The following ELOVL6 variants were observed in gnomAD, a reference collection of about 807,000 sequenced individuals.
ELOVL6 encodes the protein very long chain fatty acid elongase 6.
A neutral mutation model predicts 31.7 loss-of-function variants in ELOVL6; 8 were observed. The ratio of observed to expected loss-of-function variants is 0.25; its 90% confidence interval spans 0.15 to 0.45. ELOVL6 has a LOEUF of 0.45. ELOVL6 is among the 20% of genes least tolerant of loss of function. The pLI, the probability that ELOVL6 is intolerant of heterozygous loss-of-function variation, is 1.00. For missense variants in ELOVL6, 126 were observed against 326.4 expected, an observed-to-expected ratio of 0.39 and a Z score of 4.73; for synonymous variants, 101 against 117.7, an observed-to-expected ratio of 0.86 and a Z score of 0.92.
chr4:110,173,213 G>T (rs1043446189), intron 1 of ELOVL6, among the ~76,000 whole-genome samples: 5 of 152,172 alleles, frequency 3.3e-5, no homozygotes, highest in African/African-American at 1.2e-4. Context: ...AGAACAAACA[G>T]AGAGAAATAT....
At chr4:110,083,902 T>C (rs1755967966) in intron 2 of ELOVL6, among the ~76,000 whole-genome samples, 1 of 108,746 alleles carries the variant, frequency 9.2e-6, no homozygotes, top group East Asian at 3.4e-4. Context: ...ATAATATATA[T>C]ATACACATAG....
At chr4:110,151,280 C>A (rs1289190833) in intron 1 of ELOVL6, among the ~76,000 whole-genome samples, 1 of 150,804 alleles carries the variant, frequency 6.6e-6, no homozygotes, top group Non-Finnish European at 1.5e-5. Flanking sequence ...AGGGATGAGA[C>A]CCAAGTCTAA....
At chr4:110,093,101 C>T (rs1362738889) in intron 2 of ELOVL6, 2 of 451,498 alleles carry the variant, frequency 4.4e-6, no homozygotes, top group South Asian at 3.2e-5. Context: ...TTTAAAGAAT[C>T]TTACATGTCA....
At chr4:110,136,757 G>A (rs553792632) in intron 1 of ELOVL6, among the ~76,000 whole-genome samples, 1 of 152,288 alleles carries the variant, frequency 6.6e-6, no homozygotes, top group African/African-American at 2.4e-5. Flanking sequence ...TAAAGCTGCT[G>A]TTTCAGGCAA....
Position 110,051,113 on chromosome 4 carries a change from A to C in ELOVL6, c.*225T>G, listed in dbSNP as rs1480796533. ...TAAAGAGGGAATGGGGTCTTCCAGCAGCAGTGCTTGGAGATGGAGGTGCAC... is the reference window on the plus strand; with the variant it reads ...TAAAGAGGGAATGGGGTCTTCCAGCCGCAGTGCTTGGAGATGGAGGTGCAC... On this transcript the variant is annotated 3_prime_UTR_variant, in exon 4 of 4. Transcript: ENST00000302274. The surrounding 1 kb of genome is among the most constrained non-coding windows in gnomAD (Gnocchi z 4.8). 12 of 547,488 alleles carry C rather than the reference A, an allele frequency of 2.2e-5. No individual in the cohort carries two copies. The highest frequency in any genetic ancestry group is 6.5e-5 in the Admixed American group (2 of 30,706). 33.9% of individuals were successfully genotyped at this position (547,488 alleles called of 1,614,324 possible). A position where few individuals can be genotyped will look rare whatever the true frequency, so the allele number is the denominator to read the frequency against.
intron 1 of ELOVL6, among the ~76,000 whole-genome samples, chr4:110,162,030 G>A (rs1303817513): frequency 2.0e-5 from 3 of 152,178 alleles, no homozygotes; most frequent in Non-Finnish European, 4.4e-5. Context: ...GAGGAGAATT[G>A]TGTGGTTGGG....
chr4:110,126,438 C>T (rs1231619725), intron 1 of ELOVL6, among the ~76,000 whole-genome samples: 1 of 151,988 alleles, frequency 6.6e-6, no homozygotes, highest in African/African-American at 2.4e-5. Context: ...CTCAATTTTG[C>T]CCCTCATTGA....
chr4:110,169,809 T>A, intron 1 of ELOVL6, among the ~76,000 whole-genome samples: 1 of 141,992 alleles, frequency 7.0e-6, no homozygotes. Context: ...CTTTCTTTCT[T>A]TTTTTTTTTT....
chr4:110,178,278 TG>T (rs1560859265), intron 1 of ELOVL6, among the ~76,000 whole-genome samples: 1 of 152,186 alleles, frequency 6.6e-6, no homozygotes, highest in Non-Finnish European at 1.5e-5. Flanking sequence ...CCGTGCACAG[TG>T]GCTCACGACT....
At chr4:110,178,164 TAAC>T (rs1560859182) in intron 1 of ELOVL6, among the ~76,000 whole-genome samples, 1 of 152,294 alleles carries the variant, frequency 6.6e-6, no homozygotes, top group East Asian at 1.9e-4. Flanking sequence ...AGGAAGTATT[TAAC>T]AACATGCAGA....
chr4:110,102,018 T>C (rs1325703469), intron 2 of ELOVL6, among the ~76,000 whole-genome samples: 5 of 152,220 alleles, frequency 3.3e-5, no homozygotes, highest in Non-Finnish European at 5.9e-5. Context: ...ATTAAAAGTA[T>C]CATTGTGTAG....
chr4:110,178,012 A>C (rs1421468073), intron 1 of ELOVL6, among the ~76,000 whole-genome samples: 2 of 152,176 alleles, frequency 1.3e-5, no homozygotes. Flanking sequence ...TAAAGCTACT[A>C]GTTTTCTTTG....
chr4:110,142,937 T>C (rs187409035), intron 1 of ELOVL6, among the ~76,000 whole-genome samples: 12 of 152,322 alleles, frequency 7.9e-5, no homozygotes, highest in Admixed American at 3.9e-4. Flanking sequence ...TTAGCCCCCA[T>C]GCAATTCCCC....
chr4:110,134,272 A>G (rs1009069898), intron 1 of ELOVL6, among the ~76,000 whole-genome samples: 1 of 152,148 alleles, frequency 6.6e-6, no homozygotes, highest in Non-Finnish European at 1.5e-5. Context: ...TTGACTGCAT[A>G]ATTGATGTCT....
chr4:110,090,245 T>C (rs530863783), intron 2 of ELOVL6, among the ~76,000 whole-genome samples: 2 of 152,280 alleles, frequency 1.3e-5, no homozygotes, highest in Admixed American at 1.3e-4. Flanking sequence ...GAGGTGGGTG[T>C]TTAGACTGTG....
chr4:110,175,381 CA>C (rs1033984273), intron 1 of ELOVL6, among the ~76,000 whole-genome samples: 22 of 143,260 alleles, frequency 1.5e-4, no homozygotes, highest in Admixed American at 2.1e-4. Flanking sequence ...GACTCTGTCT[CA>C]AAAAAAAAAG....
At chr4:110,120,883 C>A (rs1282715971) in intron 1 of ELOVL6, among the ~76,000 whole-genome samples, 2 of 149,042 alleles carry the variant, frequency 1.3e-5, no homozygotes, top group Admixed American at 1.4e-4. Flanking sequence ...TCACTGCAAC[C>A]TCTGCCTCCC....
chr4:110,198,420 C>T lies in ELOVL6; in HGVS notation c.-85G>A. On this transcript the variant is annotated 5_prime_UTR_variant, in exon 1 of 4. Transcript: ENST00000302274. The stretch of plus-strand genomic sequence containing the variant: ...CGCTTGATTTCGAGTGTTCTCCTGT[C>T]TGCTTCCCCCACCCACCCCCCTAGG... The T allele has an allele frequency of 4.8e-6, 4 of 839,336 alleles. No individual in the cohort carries two copies. In the Admixed American group the frequency reaches 5.9e-5, roughly 12 times the overall value. The allele number at this position is 839,336 out of a possible 1,614,324, so 52.0% of individuals were successfully genotyped here.
At chr4:110,170,765 C>T (rs942144482) in intron 1 of ELOVL6, among the ~76,000 whole-genome samples, 1 of 152,076 alleles carries the variant, frequency 6.6e-6, no homozygotes, top group African/African-American at 2.4e-5. Flanking sequence ...TCAATGTCAA[C>T]AAATCAACAA....
Sources: allele counts gnomAD v4.1 joint callset (sites outside exome capture counted in the v4.1 genomes callset), GRCh38; gene constraint gnomAD v4.1.1; non-coding constraint Gnocchi (gnomAD v3.1); transcripts MANE v1.5; gene names NCBI Gene and HGNC (gene_info 2026-07-23, HGNC 2026-07-21).